Variants in PPARGC1A observed in about 807,000 individuals in gnomAD.
The protein encoded by PPARGC1A is peroxisome proliferator-activated receptor gamma coactivator 1-alpha.
A neutral mutation model predicts 88.7 loss-of-function variants in PPARGC1A; 25 were observed. The ratio of observed to expected loss-of-function variants is 0.28; its 90% confidence interval spans 0.21 to 0.39. PPARGC1A has a LOEUF of 0.39. PPARGC1A is among the 10% of genes least tolerant of loss of function. PPARGC1A has a pLI of 1.00. For missense variants in PPARGC1A, 880 were observed against 968.7 expected (o/e 0.91, Z 1.22); for synonymous variants, 363 against 355.6 (o/e 1.02, Z -0.24).
In PPARGC1A at chr4:23,828,498, G is replaced by A. The variant is rs1212480486; in HGVS notation, c.659C>T (p.Pro220Leu). 2.5e-6 allele frequency: 4 copies of A among 1,614,052 alleles called. No individual in the cohort carries two copies. The South Asian group carries it at 4.4e-5, about 18-fold the overall frequency. Reference protein sequence around the residue: ...LLKYLTTNDDPPHTKPTENRN... With the variant: ...LLKYLTTNDDLPHTKPTENRN... ...GTTCTCTGTGGGTTTGGTGTGAGGAGGGTCATCGTTTGTGGTCAGATATTT... is the reference window on the plus strand; with the variant it reads ...GTTCTCTGTGGGTTTGGTGTGAGGAAGGTCATCGTTTGTGGTCAGATATTT... The change falls in exon 5 of 13, where the codon CCT becomes CTT. Residue 220 changes from proline (P) to leucine (L), a missense_variant. Physicochemically the swap from Pro to Leu is moderately conservative, Grantham distance 98 (BLOSUM62 -3). Coordinates refer to ENST00000264867, the MANE Select transcript of PPARGC1A (RefSeq NM_013261.5).
chr4:24,445,868 G>A, the PPARGC1A span, among the ~76,000 whole-genome samples: 2 of 152,104 alleles, frequency 1.3e-5, no homozygotes, highest in Non-Finnish European at 2.9e-5. Flanking sequence ...AGGAGTTCGG[G>A]ACCAGCCTGA....
the PPARGC1A span, among the ~76,000 whole-genome samples, chr4:24,157,225 C>T: frequency 5.0e-3 from 761 of 152,308 alleles, 12 homozygotes; most frequent in South Asian, 0.046. Context: ...AAAAGTCGCC[C>T]TGAACCACAT....
the PPARGC1A span, among the ~76,000 whole-genome samples, chr4:24,319,784 C>T: frequency 7.9e-5 from 12 of 152,196 alleles, no homozygotes; most frequent in South Asian, 4.1e-4. Context: ...TTTTTTCCTC[C>T]TATTACGCTG....
In PPARGC1A at chr4:23,831,546, AG is replaced by A; in HGVS notation, c.429+10del. 1 of 1,610,784 alleles carries A rather than the reference AG, an allele frequency of 6.2e-7. No homozygotes were observed. Among genetic ancestry groups the A allele is most frequent in the Non-Finnish European group, 8.5e-7 (1 of 1,177,378 alleles). On this transcript the variant is annotated intron_variant, in intron 3 of 12. Coordinates refer to ENST00000264867, the MANE Select transcript of PPARGC1A (RefSeq NM_013261.5). The stretch of plus-strand genomic sequence containing the variant: ...CTCCAATTCCTGCTAAACAGTAGGA[AG>A]GGTTCTTACTAGAGACGGCTCTTCT...
In PPARGC1A at chr4:23,814,366, T is replaced by G; in HGVS notation, c.1117A>C (p.Thr373Pro). 1 of 1,613,988 alleles carries G rather than the reference T, an allele frequency of 6.2e-7. No individual in the cohort carries two copies. Among genetic ancestry groups the G allele is most frequent in the Non-Finnish European group, 8.5e-7 (1 of 1,179,984 alleles). ...AACAGCCGCAGACTGGGCCGCTTGG[T>G]CTTCCTTTCCTCGTGTCCACCAGTG... Reference protein sequence around the residue: ...VLTGGHEERKTKRPSLRLFGD... With the variant: ...VLTGGHEERKPKRPSLRLFGD... The change falls in exon 8 of 13, where the codon ACC (threonine) becomes CCC (proline). Residue 373 changes from threonine to proline, a missense_variant. By Grantham distance (38) the Thr-to-Pro change is conservative. Transcript: ENST00000264867.
At chr4:23,924,979 T>C in the PPARGC1A span, among the ~76,000 whole-genome samples, 11 of 152,246 alleles carry the variant, frequency 7.2e-5, no homozygotes, top group Admixed American at 6.5e-4. Context: ...ACACACATTA[T>C]CTTTTGAAAA....
At chr4:24,188,713 G>C in the PPARGC1A span, among the ~76,000 whole-genome samples, 2 of 152,118 alleles carry the variant, frequency 1.3e-5, no homozygotes, top group East Asian at 1.9e-4. Flanking sequence ...TAAAAGGGTA[G>C]AGTGGTGGTG....
At chr4:24,351,733 G>A in the PPARGC1A span, among the ~76,000 whole-genome samples, 54,633 of 151,844 alleles carry the variant, frequency 0.36, 10,147 homozygotes, top group Non-Finnish European at 0.4. Context: ...ATAAAAAGCC[G>A]TCATGGTACA....
the PPARGC1A span, among the ~76,000 whole-genome samples, chr4:24,339,231 T>TGAAAAAGAACACA: frequency 8.2e-6 from 1 of 121,354 alleles, no homozygotes; most frequent in Non-Finnish European, 1.7e-5. Context: ...TATATATATA[T>TGAAAAAGAACACA]ATATATACAC....
chr4:24,036,563 T>C, the PPARGC1A span, among the ~76,000 whole-genome samples: 115 of 151,638 alleles, frequency 7.6e-4, no homozygotes, highest in African/African-American at 2.7e-3. Flanking sequence ...GCAATAAAAA[T>C]AGTGAATCAC....
chr4:24,430,547 A>AT, the PPARGC1A span, among the ~76,000 whole-genome samples: 1 of 151,562 alleles, frequency 6.6e-6, no homozygotes, highest in African/African-American at 2.4e-5. Context: ...AGTATTTCCT[A>AT]TTTTTTTATT....
At chr4:23,895,159 G>GAAAAAAA (rs773200297) in intron 1 of PPARGC1A, among the ~76,000 whole-genome samples, 1 of 53,586 alleles carries the variant, frequency 1.9e-5, no homozygotes, top group Admixed American at 2.3e-4. Flanking sequence ...TTGTTTAACT[G>GAAAAAAA]AAAAAAAAAA....
chr4:24,456,799 T>C, the PPARGC1A span, among the ~76,000 whole-genome samples: 1 of 151,956 alleles, frequency 6.6e-6, no homozygotes, highest in African/African-American at 2.4e-5. Flanking sequence ...CAGATATGGT[T>C]ACACTGGAGT....
chr4:23,830,363 A>C (rs1227439180), intron 3 of PPARGC1A, among the ~76,000 whole-genome samples: 2 of 152,208 alleles, frequency 1.3e-5, no homozygotes, highest in Non-Finnish European at 2.9e-5. Flanking sequence ...ATGACCCTCA[A>C]GGACTTCCCT....
At chr4:23,804,748 T>C (rs929568625) in intron 10 of PPARGC1A, among the ~76,000 whole-genome samples, 1 of 152,052 alleles carries the variant, frequency 6.6e-6, no homozygotes, top group Admixed American at 6.6e-5. Flanking sequence ...GCACCTTCCT[T>C]CCCAAAGCCT....
intron 2 of PPARGC1A, among the ~76,000 whole-genome samples, chr4:23,872,847 T>C (rs1036142788): frequency 5.3e-5 from 8 of 152,242 alleles, no homozygotes; most frequent in African/African-American, 1.7e-4. Flanking sequence ...AATGTGACGA[T>C]GTTGCAAAAG....
the PPARGC1A span, among the ~76,000 whole-genome samples, chr4:24,054,308 T>TAAA: frequency 6.8e-4 from 92 of 134,894 alleles, 1 homozygote; most frequent in South Asian, 3.4e-3. Context: ...ATCCTTCTTG[T>TAAA]AAAAAAAAAA....
intron 1 of PPARGC1A, among the ~76,000 whole-genome samples, chr4:23,886,140 A>G (rs1214055159): frequency 2.6e-5 from 4 of 152,130 alleles, no homozygotes; most frequent in African/African-American, 4.8e-5. Flanking sequence ...GGGGTGTCTA[A>G]ATCAGGAGGC....
chr4:24,397,312 A>G, the PPARGC1A span, among the ~76,000 whole-genome samples: 1 of 152,234 alleles, frequency 6.6e-6, no homozygotes, highest in Non-Finnish European at 1.5e-5. Context: ...GAATACATTA[A>G]AAGTCCTATG....
Sources: gnomAD v4.1 joint callset for allele counts (sites outside exome capture counted in the v4.1 genomes callset) on GRCh38, gnomAD v4.1.1 for gene constraint, MANE v1.5 for transcripts, NCBI Gene and HGNC (gene_info 2026-07-23, HGNC 2026-07-21) for gene names.